Variants in PLAC1 observed in about 807,000 individuals in gnomAD.
The protein encoded by PLAC1 is placenta associated 1.
For missense variants in PLAC1, 136 were observed against 163.2 expected (o/e 0.83, Z 0.91); for synonymous variants, 68 against 62.1 (o/e 1.09, Z -0.44).
intron 2 of PLAC1, among the ~76,000 whole-genome samples, chrX:134,598,507 A>C (rs760026032): frequency 8.9e-6 from 1 of 112,396 alleles, no homozygotes; most frequent in Non-Finnish European, 1.9e-5. Context: ...GACACTCAAT[A>C]CATGCTTGTT....
Position 134,756,122 on chromosome X carries a change from A to T in PLAC1, n.89+8112T>A, listed in dbSNP as rs2078756567. On this transcript the variant is annotated intron_variant and non_coding_transcript_variant, in intron 1 of 2. Coordinates refer to the PLAC1 transcript ENST00000466797. ...CGCCTTGGCCTCCCAAAGTGTTGGG[A>T]TTACAGGCATGAGCCACCACGCCCG... Among the ~76,000 whole-genome samples, 4 of 110,210 alleles carry T rather than the reference A, an allele frequency of 3.6e-5. No individual in the cohort carries two copies. In the Admixed American group the frequency reaches 3.9e-4, roughly 11 times the overall value.
intron 1 of PLAC1, among the ~76,000 whole-genome samples, chrX:134,644,309 C>G (rs1480410721): frequency 9.0e-6 from 1 of 111,707 alleles, no homozygotes; most frequent in African/African-American, 3.3e-5. Context: ...ATTCTTCTCT[C>G]TAGGGTATTC....
intron 1 of PLAC1, chrX:134,760,094 C>A (rs1378099932): frequency 8.9e-6 from 1 of 111,921 alleles, no homozygotes; most frequent in African/African-American, 3.3e-5. Context: ...CATTACAATG[C>A]ATTATATACA....
intron 2 of PLAC1, among the ~76,000 whole-genome samples, chrX:134,664,705 T>C (rs1434010417): frequency 9.0e-6 from 1 of 111,434 alleles, no homozygotes; most frequent in Non-Finnish European, 1.9e-5. Context: ...AAGCTTCAGG[T>C]TTTATCTGAG....
intron 1 of PLAC1, among the ~76,000 whole-genome samples, chrX:134,610,198 G>T (rs2078145719): frequency 9.0e-6 from 1 of 110,999 alleles, no homozygotes; most frequent in Non-Finnish European, 1.9e-5. Flanking sequence ...GGCTGGTCTT[G>T]AACTCCTGAC....
At chrX:134,603,266 A>AT (rs1444651291) in intron 1 of PLAC1, among the ~76,000 whole-genome samples, 1 of 13,367 alleles carries the variant, frequency 7.5e-5, no homozygotes, top group African/African-American at 2.9e-4. Context: ...AGCTCTCTGT[A>AT]TTTTATATAT....
chrX:134,742,542 C>T (rs945986527), intron 1 of PLAC1, among the ~76,000 whole-genome samples: 5 of 110,450 alleles, frequency 4.5e-5, no homozygotes, highest in East Asian at 2.8e-4. Flanking sequence ...GAGCAGAGAT[C>T]ACGCCACTGC....
At chrX:134,736,983 C>T (rs1018344567) in intron 1 of PLAC1, among the ~76,000 whole-genome samples, 25 of 112,482 alleles carry the variant, frequency 2.2e-4, no homozygotes, top group African/African-American at 6.8e-4. Flanking sequence ...GAGTTTGATT[C>T]TACCCAGAGA....
intron 1 of PLAC1, among the ~76,000 whole-genome samples, chrX:134,744,054 C>G (rs376120766): frequency 9.0e-6 from 1 of 111,548 alleles, no homozygotes; most frequent in Non-Finnish European, 1.9e-5. Flanking sequence ...GAGGCCGAGG[C>G]GGGTGGATCA....
intron 1 of PLAC1, among the ~76,000 whole-genome samples, chrX:134,755,856 CTTTTTT>C (rs776901556): frequency 2.2e-5 from 1 of 45,543 alleles, no homozygotes; most frequent in African/African-American, 1.0e-4. Context: ...CCTTTTCTTT[CTTTTTT>C]TTTTTTTTTT....
chrX:134,656,335 T>TA (rs2078391507), intron 1 of PLAC1, among the ~76,000 whole-genome samples: 1 of 111,632 alleles, frequency 9.0e-6, no homozygotes, highest in Admixed American at 9.5e-5. Flanking sequence ...TTCTTATCTG[T>TA]AAATTGGAAA....
chrX:134,587,754 T>C (rs921216252), intron 2 of PLAC1, among the ~76,000 whole-genome samples: 5 of 111,936 alleles, frequency 4.5e-5, no homozygotes, highest in Non-Finnish European at 1.9e-5. Flanking sequence ...CCAATTTTCC[T>C]TTTTCTCTCA....
At chrX:134,749,379 C>T (rs2078736137) in intron 1 of PLAC1, among the ~76,000 whole-genome samples, 1 of 111,759 alleles carries the variant, frequency 8.9e-6, no homozygotes, top group Non-Finnish European at 1.9e-5. Context: ...CCTGTAGTCC[C>T]AGCTACTCGG....
At chrX:134,594,230 C>T (rs1469354603) in intron 2 of PLAC1, among the ~76,000 whole-genome samples, 2 of 111,671 alleles carry the variant, frequency 1.8e-5, no homozygotes, top group Non-Finnish European at 3.8e-5. Flanking sequence ...TTGAACCAGA[C>T]TTGCATACAC....
chrX:134,613,834 C>T (rs753021640), intron 1 of PLAC1, among the ~76,000 whole-genome samples: 1 of 111,105 alleles, frequency 9.0e-6, no homozygotes. Context: ...CTCCCAACTC[C>T]ACTGCCTTTT....
At chrX:134,676,905 T>C (rs2078477285) in intron 2 of PLAC1, among the ~76,000 whole-genome samples, 1 of 112,316 alleles carries the variant, frequency 8.9e-6, no homozygotes, top group African/African-American at 3.2e-5. Flanking sequence ...TGGGCAAAGT[T>C]ACTAAATGTC....
chrX:134,618,213 G>A (rs1041880138), intron 1 of PLAC1, among the ~76,000 whole-genome samples: 3 of 111,367 alleles, frequency 2.7e-5, no homozygotes, highest in Non-Finnish European at 5.7e-5. Context: ...ACAAAGGTCC[G>A]ACTGTTTTTG....
At chrX:134,763,824 A>AAAAGAAAGAAAGAAAGAAAGAAAG (rs58989876) in intron 1 of PLAC1, among the ~76,000 whole-genome samples, 21 of 90,509 alleles carry the variant, frequency 2.3e-4, no homozygotes, top group African/African-American at 8.3e-4. Flanking sequence ...TCCGAAAAAA[A>AAAAGAAAGAAAGAAAGAAAGAAAG]AAAGAAAGAA....
At chrX:134,657,769 C>G (rs980126480) in intron 1 of PLAC1, among the ~76,000 whole-genome samples, 1 of 110,418 alleles carries the variant, frequency 9.1e-6, no homozygotes, top group Admixed American at 9.7e-5. Flanking sequence ...GATTTAGGGT[C>G]CCTGTCTCTT....
Sources: gnomAD v4.1 joint callset for allele counts (sites outside exome capture counted in the v4.1 genomes callset) on GRCh38, gnomAD v4.1.1 for gene constraint, MANE v1.5 for transcripts, NCBI Gene and HGNC (gene_info 2026-07-23, HGNC 2026-07-21) for gene names.